COL26A1: variants seen among roughly 807,000 people sequenced by gnomAD.
The protein encoded by COL26A1 is collagen alpha-1(XXVI) chain.
Under a neutral mutation model 59.3 loss-of-function variants are expected in COL26A1, and 41 were observed. The ratio of observed to expected loss-of-function variants is 0.69; its 90% CI spans 0.54 to 0.90. The LOEUF is 0.90. Ranked by LOEUF, COL26A1 falls within the 40% of genes least tolerant of loss-of-function variation. The probability of loss-of-function intolerance (pLI) is 0.00; values close to 1 mark genes in which losing one functional copy is unlikely to be tolerated. For synonymous variants in COL26A1, 266 were observed against 256.0 expected (o/e 1.04, Z -0.37); for missense variants, 612 against 602.3 (o/e 1.02, Z -0.17).
At chr7:101,477,973 A>G (rs76566547) in intron 3 of COL26A1, among the ~76,000 whole-genome samples, 2 of 151,710 alleles carry the variant, frequency 1.3e-5, no homozygotes, top group African/African-American at 4.8e-5. Flanking sequence ...TTGTCCATTG[A>G]TATTTCTTTT....
intron 1 of COL26A1, among the ~76,000 whole-genome samples, chr7:101,400,991 G>A (rs1252134379): frequency 6.6e-6 from 1 of 152,200 alleles, no homozygotes; most frequent in Admixed American, 6.5e-5. Flanking sequence ...GCAGGCTGCA[G>A]TTACACGGGT....
intron 3 of COL26A1, among the ~76,000 whole-genome samples, chr7:101,471,990 A>G (rs1426123652): frequency 6.6e-6 from 1 of 152,104 alleles, no homozygotes; most frequent in Non-Finnish European, 1.5e-5. Context: ...ATTAATAGGT[A>G]TGCTATTATC....
chr7:101,535,420 T>A (rs1467807105), intron 4 of COL26A1, among the ~76,000 whole-genome samples: 2 of 152,174 alleles, frequency 1.3e-5, no homozygotes, highest in Non-Finnish European at 2.9e-5. Flanking sequence ...AGCCCAGTAT[T>A]GTGGGTGTTA....
intron 3 of COL26A1, among the ~76,000 whole-genome samples, chr7:101,493,878 A>G (rs1174934050): frequency 1.3e-5 from 2 of 149,222 alleles, no homozygotes; most frequent in Non-Finnish European, 3.0e-5. Context: ...GCTTGTAGTG[A>G]GCTGAGATCG....
In COL26A1 at chr7:101,418,925, G is replaced by T. The variant is rs184896924; in HGVS notation, c.159-1052G>T. The stretch of plus-strand genomic sequence containing the variant: ...TCTGAAGGCATTTATTCCCTAGCCC[G>T]GCAGGTCACATGTCTCTTCCTTTCT... On this transcript the variant is annotated intron_variant, in intron 1 of 12. Transcript: ENST00000313669. Among the ~76,000 whole-genome samples the T allele has an allele frequency of 3.7e-3, 556 of 151,926 alleles. 7 individuals are homozygous for T. Among genetic ancestry groups the T allele is most frequent in the South Asian group, 0.016 (79 of 4,804 alleles).
intron 1 of COL26A1, among the ~76,000 whole-genome samples, chr7:101,388,389 C>G (rs892127338): frequency 3.3e-5 from 5 of 151,562 alleles, no homozygotes; most frequent in African/African-American, 1.2e-4. Context: ...AGGAGAATCT[C>G]CTGAACCCGG....
chr7:101,534,244 G>A lies in COL26A1; in HGVS notation c.447+1101G>A, dbSNP rs146628547. 3.3e-5 allele frequency among the ~76,000 whole-genome samples: 5 copies of A among 152,168 alleles called. No individual in the cohort carries two copies. The South Asian group carries it at 6.2e-4, about 19-fold the overall frequency. ...GGAAGAACTGTGGTGACCAGAGCAC[G>A]TGGCATTGTCCAGAGAGAGTGTGTG... On this transcript the variant is annotated intron_variant, in intron 4 of 12. Coordinates refer to ENST00000313669, the MANE Select transcript of COL26A1 (RefSeq NM_001278563.3).
At position 101,545,351 on chromosome 7, in the gene COL26A1, T is replaced by C; in HGVS notation, c.717T>C (p.Pro239=). Residue 239 remains proline (P), a synonymous_variant, in exon 7 of 13, where the codon CCT becomes CCC. Transcript: ENST00000313669. ...TCCTCATTGCAGGGCTCCTGGGGCC[T>C]CCAGGGCCCCGTGGGCTTCCTGGAG... ...GPAGPPGLLG[P]PGPRGLPGEM... The C allele has an allele frequency of 6.4e-7, 1 of 1,571,470 alleles. No individual in the cohort carries two copies.
At chr7:101,484,668 C>A (rs1384921474) in intron 3 of COL26A1, among the ~76,000 whole-genome samples, 1 of 151,128 alleles carries the variant, frequency 6.6e-6, no homozygotes, top group African/African-American at 2.4e-5. Context: ...CATGCTGGGC[C>A]CTTTATTATT....
At chr7:101,461,352 G>A (rs1353516386) in intron 3 of COL26A1, among the ~76,000 whole-genome samples, 1 of 151,044 alleles carries the variant, frequency 6.6e-6, no homozygotes, top group African/African-American at 2.4e-5. Context: ...AGGCTGGTGT[G>A]TAATGACACG....
intron 3 of COL26A1, among the ~76,000 whole-genome samples, chr7:101,456,304 C>G (rs1317234777): frequency 1.3e-5 from 2 of 151,310 alleles, no homozygotes. Context: ...CTTGACCTCC[C>G]AGGCTCAAGC....
At chr7:101,515,181 CAG>C (rs915204665) in intron 3 of COL26A1, among the ~76,000 whole-genome samples, 1 of 152,238 alleles carries the variant, frequency 6.6e-6, no homozygotes, top group Non-Finnish European at 1.5e-5. Context: ...TGTGCCTGAA[CAG>C]AGTCTTCTGT....
rs535639945 is a variant in COL26A1, at chr7:101,515,118, T to C, written c.386-17964T>C. ...CTTTCCTGGTTGCTCCAGACCAGTG[T>C]CTGGGTGCCGATAAACAAGGCAGAC... On this transcript the variant is annotated intron_variant, in intron 3 of 12. Transcript: ENST00000313669. Among the ~76,000 whole-genome samples, 15 of 152,306 alleles carry C rather than the reference T, an allele frequency of 9.8e-5. No homozygotes were observed. The East Asian group carries it at 1.4e-3, about 14-fold the overall frequency.
chr7:101,491,725 A>G (rs3988213), intron 3 of COL26A1, among the ~76,000 whole-genome samples: 62,309 of 152,006 alleles, frequency 0.41, 13,453 homozygotes, highest in African/African-American at 0.54. Context: ...GGTCACTCTC[A>G]TCGCCATCTT....
chr7:101,444,889 G>C (rs926834277), intron 2 of COL26A1, among the ~76,000 whole-genome samples: 2 of 151,182 alleles, frequency 1.3e-5, no homozygotes, highest in African/African-American at 4.9e-5. Flanking sequence ...TTTCACACAG[G>C]CTGGAGTGCA....
At chr7:101,503,634 A>G (rs1558014) in intron 3 of COL26A1, among the ~76,000 whole-genome samples, 98,831 of 152,126 alleles carry the variant, frequency 0.65, 34,815 homozygotes, top group African/African-American at 0.91. Context: ...ATCCCGCCTC[A>G]GCCTCCCAAA....
chr7:101,449,843 G>A (rs181571713), intron 3 of COL26A1, among the ~76,000 whole-genome samples: 47 of 152,208 alleles, frequency 3.1e-4, no homozygotes, highest in African/African-American at 1.0e-3. Flanking sequence ...TACAGATTAG[G>A]ATGGGCGTGG....
chr7:101,374,601 T>G (rs1791265892), intron 1 of COL26A1, among the ~76,000 whole-genome samples: 2 of 152,190 alleles, frequency 1.3e-5, no homozygotes, highest in Admixed American at 6.5e-5. Context: ...GGTTATGCAC[T>G]TTTATGAGAA....
chr7:101,520,629 CACAT>C (rs1420834954), intron 3 of COL26A1, among the ~76,000 whole-genome samples: 1 of 130,840 alleles, frequency 7.6e-6, no homozygotes, highest in Non-Finnish European at 1.7e-5. Flanking sequence ...CAAGCACAGA[CACAT>C]ACACACACAC....
Sources: allele counts gnomAD v4.1 joint callset (sites outside exome capture counted in the v4.1 genomes callset), GRCh38; gene constraint gnomAD v4.1.1; transcripts MANE v1.5; gene names NCBI Gene and HGNC (gene_info 2026-07-23, HGNC 2026-07-21).